The following KCNIP1 variants were observed in gnomAD, a reference collection of about 807,000 sequenced individuals.
KCNIP1 encodes the protein potassium voltage-gated channel interacting protein 1.
In KCNIP1, 18 loss-of-function variants were observed where a neutral mutation model predicts 33.0. The ratio of observed to expected loss-of-function variants is 0.55; its 90% CI spans 0.38 to 0.81. The LOEUF (loss-of-function observed/expected upper bound fraction) is 0.81. Ranked by LOEUF, KCNIP1 falls within the 30% of genes least tolerant of loss-of-function variation. KCNIP1 has a pLI of 0.00. For missense variants in KCNIP1, 238 were observed against 271.6 expected, an observed-to-expected ratio of 0.88 and a Z score of 0.87; for synonymous variants, 93 against 98.3, an observed-to-expected ratio of 0.95 and a Z score of 0.32.
intron 1 of KCNIP1, among the ~76,000 whole-genome samples, chr5:170,412,474 A>G (rs1755221182): frequency 6.6e-6 from 1 of 152,162 alleles, no homozygotes; most frequent in South Asian, 2.1e-4. Flanking sequence ...GGGAAAGAGG[A>G]AAAATGCTAT....
At chr5:170,542,027 T>C (rs1048099982) in intron 1 of KCNIP1, among the ~76,000 whole-genome samples, 2 of 152,206 alleles carry the variant, frequency 1.3e-5, no homozygotes, top group African/African-American at 4.8e-5. Flanking sequence ...CCAGATCCCA[T>C]TCTAAAGAGG....
intron 1 of KCNIP1, among the ~76,000 whole-genome samples, chr5:170,585,482 G>A (rs1467514866): frequency 6.6e-6 from 1 of 152,054 alleles, no homozygotes; most frequent in African/African-American, 2.4e-5. Flanking sequence ...CCCACTCCTC[G>A]TGGCTCCACT....
At chr5:170,668,570 G>T (rs1394423524) in intron 1 of KCNIP1, among the ~76,000 whole-genome samples, 1 of 152,224 alleles carries the variant, frequency 6.6e-6, no homozygotes, top group Non-Finnish European at 1.5e-5. Flanking sequence ...CAAATAAAGA[G>T]ATTGGCATAC....
intron 1 of KCNIP1, among the ~76,000 whole-genome samples, chr5:170,554,212 C>T (rs1756760990): frequency 6.6e-6 from 1 of 151,908 alleles, no homozygotes; most frequent in Non-Finnish European, 1.5e-5. Flanking sequence ...GCCCAGGGGG[C>T]ACTAGTTTGA....
chr5:170,697,688 T>G (rs1363453061), intron 1 of KCNIP1, among the ~76,000 whole-genome samples: 1 of 152,170 alleles, frequency 6.6e-6, no homozygotes, highest in Non-Finnish European at 1.5e-5. Flanking sequence ...CACTGTGCCG[T>G]GAACTTCTTT....
At chr5:170,508,384 T>C (rs1417291364) in intron 1 of KCNIP1, among the ~76,000 whole-genome samples, 1 of 152,210 alleles carries the variant, frequency 6.6e-6, no homozygotes, top group Non-Finnish European at 1.5e-5. Flanking sequence ...TATTTGCTCC[T>C]AGATCAATGA....
At chr5:170,529,203 T>C (rs1356693464) in intron 1 of KCNIP1, among the ~76,000 whole-genome samples, 1 of 152,200 alleles carries the variant, frequency 6.6e-6, no homozygotes, top group Non-Finnish European at 1.5e-5. Flanking sequence ...TCAGCTCTGC[T>C]CTCTTCTGTC....
chr5:170,399,308 G>A (rs894186957), intron 1 of KCNIP1, among the ~76,000 whole-genome samples: 3 of 152,132 alleles, frequency 2.0e-5, no homozygotes, highest in South Asian at 4.1e-4. Context: ...TTAGAATTTG[G>A]CTATTTTCAG....
At chr5:170,599,495 C>T (rs946986603) in intron 1 of KCNIP1, among the ~76,000 whole-genome samples, 1 of 152,092 alleles carries the variant, frequency 6.6e-6, no homozygotes, top group Admixed American at 6.5e-5. Flanking sequence ...AATGAGTCTC[C>T]CATCATTGGA....
intron 1 of KCNIP1, among the ~76,000 whole-genome samples, chr5:170,701,881 G>A (rs944950236): frequency 6.6e-6 from 1 of 152,128 alleles, no homozygotes; most frequent in Non-Finnish European, 1.5e-5. Context: ...TGCGACAGGA[G>A]CCTTTGTTTG....
intron 1 of KCNIP1, among the ~76,000 whole-genome samples, chr5:170,474,198 C>T (rs776950767): frequency 1.3e-5 from 2 of 152,142 alleles, no homozygotes; most frequent in Admixed American, 6.5e-5. Flanking sequence ...TTCTATTACC[C>T]GAGAGGCTTT....
intron 1 of KCNIP1, among the ~76,000 whole-genome samples, chr5:170,391,207 C>T (rs1346147643): frequency 6.6e-6 from 1 of 152,160 alleles, no homozygotes; most frequent in African/African-American, 2.4e-5. Flanking sequence ...CCAGAAATGC[C>T]AGGCCCCCCT....
intron 1 of KCNIP1, among the ~76,000 whole-genome samples, chr5:170,394,664 A>T (rs10046000): frequency 0.14 from 21,235 of 152,108 alleles, 2,863 homozygotes; most frequent in African/African-American, 0.34. Context: ...GTAATGCGTG[A>T]TGCTGACGTT....
At position 170,736,059 on chromosome 5, in the gene KCNIP1, C is replaced by T; in HGVS notation, c.*253C>T. 1.9e-6 allele frequency: 1 copy of T among 531,524 alleles called. No individual in the cohort carries two copies. Among genetic ancestry groups the T allele is most frequent in the Non-Finnish European group, 3.4e-6 (1 of 297,636 alleles). The allele number at this position is 531,524 out of a possible 1,614,324, so 32.9% of individuals were successfully genotyped here. A position where few individuals can be genotyped will look rare whatever the true frequency, so the allele number is the denominator to read the frequency against. On this transcript the variant is annotated 3_prime_UTR_variant, in exon 8 of 8. Coordinates refer to ENST00000328939, the MANE Select transcript of KCNIP1 (RefSeq NM_014592.4). Reference sequence around the variant, plus strand: ...AATTTGAGTTTGTTTTGGAAGCATGCTCATCTCCTCACACTGCTGCCCTAT... The same window carrying T: ...AATTTGAGTTTGTTTTGGAAGCATGTTCATCTCCTCACACTGCTGCCCTAT...
chr5:170,392,063 G>A (rs937367881), intron 1 of KCNIP1, among the ~76,000 whole-genome samples: 3 of 152,124 alleles, frequency 2.0e-5, no homozygotes, highest in Admixed American at 2.0e-4. Context: ...AGTCATAGAC[G>A]GGGGCTCGAG....
intron 1 of KCNIP1, among the ~76,000 whole-genome samples, chr5:170,529,494 A>G (rs1755706923): frequency 6.6e-6 from 1 of 152,162 alleles, no homozygotes; most frequent in South Asian, 2.1e-4. Flanking sequence ...AGGAGAATGG[A>G]TGTTGGGCCA....
At chr5:170,575,774 T>A (rs529805292) in intron 1 of KCNIP1, among the ~76,000 whole-genome samples, 1 of 152,340 alleles carries the variant, frequency 6.6e-6, no homozygotes, top group Admixed American at 6.5e-5. Flanking sequence ...AATTCTGGCT[T>A]GACTTTCCAA....
chr5:170,599,401 G>T, intron 1 of KCNIP1, among the ~76,000 whole-genome samples: 1 of 152,100 alleles, frequency 6.6e-6, no homozygotes, highest in Non-Finnish European at 1.5e-5. Context: ...GATGGCATCT[G>T]ATTTAGTTTT....
chr5:170,373,818 G>C (rs1185761536), intron 1 of KCNIP1, among the ~76,000 whole-genome samples: 1 of 152,192 alleles, frequency 6.6e-6, no homozygotes, highest in Non-Finnish European at 1.5e-5. Context: ...TAATGTCTTA[G>C]TATTATTATG....
Sources: allele counts gnomAD v4.1 joint callset (sites outside exome capture counted in the v4.1 genomes callset), GRCh38; gene constraint gnomAD v4.1.1; transcripts MANE v1.5; gene names NCBI Gene and HGNC (gene_info 2026-07-23, HGNC 2026-07-21).